Variants in PHF8 observed in about 807,000 individuals in gnomAD.
PHF8 encodes histone lysine demethylase PHF8.
PHF8 carries 9 observed loss-of-function variants against 74.4 expected under a neutral mutation model. The observed-to-expected ratio is 0.12, with a 90% confidence interval of 0.07 to 0.21. PHF8 has a LOEUF of 0.21. PHF8 is among the 10% of genes least tolerant of loss of function. The pLI is 1.00. For synonymous variants in PHF8, 311 were observed against 316.6 expected, an observed-to-expected ratio of 0.98 and a Z score of 0.19; for missense variants, 478 against 816.6, an observed-to-expected ratio of 0.59 and a Z score of 5.05.
At chrX:53,995,670 C>A (rs782547888) in intron 12 of PHF8, 23 bp downstream of exon 12, 1 of 1,084,700 alleles carries the variant, frequency 9.2e-7, no homozygotes, top group Admixed American at 2.2e-5. Context: ...AATGCCTTTT[C>A]TTCCCTGCCC....
At chrX:53,985,744 C>G (rs782251935) in intron 17 of PHF8, 72 bp downstream of exon 17, 1 of 1,207,211 alleles carries the variant, frequency 8.3e-7, no homozygotes, top group Non-Finnish European at 1.1e-6. Context: ...GATTGGCTGA[C>G]CTGGCACCTT....
At chrX:53,983,747 G>A (rs1298722362) in intron 18 of PHF8, among the ~76,000 whole-genome samples, 1 of 112,109 alleles carries the variant, frequency 8.9e-6, no homozygotes, top group African/African-American at 3.2e-5. Context: ...ATGTCAATCA[G>A]TAGGGAATGA....
At chrX:53,983,338 T>C (rs1436189231) in intron 18 of PHF8, among the ~76,000 whole-genome samples, 1 of 111,325 alleles carries the variant, frequency 9.0e-6, no homozygotes, top group Non-Finnish European at 1.9e-5. Context: ...TATAAGGAAC[T>C]CTTACAAATC....
intron 19 of PHF8, among the ~76,000 whole-genome samples, chrX:53,953,129 C>G (rs1226803297): frequency 9.3e-6 from 1 of 107,004 alleles, no homozygotes; most frequent in Non-Finnish European, 1.9e-5. Context: ...CAAAAATCAC[C>G]CAGGCTTGGT....
chrX:54,038,342 T>C (rs1557114950), intron 2 of PHF8, among the ~76,000 whole-genome samples: 1 of 112,441 alleles, frequency 8.9e-6, no homozygotes, highest in Non-Finnish European at 1.9e-5. Flanking sequence ...AAAAAGAGAA[T>C]GACTGGTGTA....
intron 2 of PHF8, 77 bp downstream of exon 2, chrX:54,042,554 A>T (rs2066577657): frequency 1.1e-6 from 1 of 900,672 alleles, no homozygotes; most frequent in African/African-American, 2.0e-5. Flanking sequence ...ATCTAAAAAC[A>T]GAGCTGAGAA....
At chrX:53,998,899 A>G (rs944621468) in intron 11 of PHF8, among the ~76,000 whole-genome samples, 3 of 112,293 alleles carry the variant, frequency 2.7e-5, no homozygotes, top group African/African-American at 9.7e-5. Flanking sequence ...TCCTGAAGAA[A>G]CAATCAAGAA....
rs2064699532 is a variant in PHF8 at position 53,938,413 on chromosome X, G to A, written c.*745C>T. On this transcript the variant is annotated 3_prime_UTR_variant, in exon 22 of 22. Coordinates refer to ENST00000338154, the MANE Select transcript of PHF8 (RefSeq NM_015107.3). ...CACCCTAAAACAAGTGGCCTCATGT[G>A]TAGCCAGCTAAAAGTAGCTTCCTCC... The A allele has an allele frequency of 2.5e-6, 2 of 812,737 alleles. No individual in the cohort carries two copies. Among genetic ancestry groups the A allele is most frequent in the South Asian group, 6.0e-5 (1 of 16,586 alleles). 67.0% of individuals were successfully genotyped at this position (812,737 alleles called of 1,213,427 possible). A position where few individuals can be genotyped will look rare whatever the true frequency, so the allele number is the denominator to read the frequency against.
At position 53,937,408 on chromosome X, in the gene PHF8, T is replaced by A. The variant is rs1332769162; in HGVS notation, c.*1750A>T. 12 of 112,127 alleles carry A rather than the reference T, an allele frequency of 1.1e-4. No individual in the cohort carries two copies. Among genetic ancestry groups the A allele is most frequent in the African/African-American group, 3.9e-4 (12 of 30,637 alleles). 9.2% of individuals were successfully genotyped at this position (112,127 alleles called of 1,213,427 possible). A position where few individuals can be genotyped will look rare whatever the true frequency, so the allele number is the denominator to read the frequency against. ...GTCACCGCATAGTCAGGCAGTTGCC[T>A]ATACAGGACAGAGGCTTCTCCTGCT... On this transcript the variant is annotated 3_prime_UTR_variant, in exon 22 of 22. Coordinates refer to ENST00000338154, the MANE Select transcript of PHF8 (RefSeq NM_015107.3).
chrX:54,041,595 G>A (rs1248237041), intron 2 of PHF8, among the ~76,000 whole-genome samples: 8 of 110,573 alleles, frequency 7.2e-5, no homozygotes, highest in Non-Finnish European at 1.1e-4. Context: ...TAGTTTTATC[G>A]TACACACTAA....
chrX:53,992,169 T>G (rs1228850708), intron 14 of PHF8, among the ~76,000 whole-genome samples: 2 of 112,410 alleles, frequency 1.8e-5, no homozygotes, highest in African/African-American at 6.5e-5. Flanking sequence ...TTTAAAAATA[T>G]ACCTTGAACA....
intron 19 of PHF8, chrX:53,944,565 A>G (rs1020345308): frequency 5.6e-5 from 13 of 230,316 alleles, no homozygotes; most frequent in Non-Finnish European, 9.5e-5. Flanking sequence ...AAAAAATTAA[A>G]AAGTTAGCCA....
chrX:53,991,438 G>T (rs2065658570), intron 14 of PHF8, among the ~76,000 whole-genome samples: 1 of 109,122 alleles, frequency 9.2e-6, no homozygotes, highest in African/African-American at 3.3e-5. Context: ...GAGGTGGGCG[G>T]ATCACTCGAG....
Position 53,983,763 on chromosome X carries a change from C to T in PHF8, c.2443+1151G>A, listed in dbSNP as rs147227875. ...TGTCAATCAGTAGGGAATGATTAAA[C>T]ATATGATATATTTCTATATTACAGA... On this transcript the variant is annotated intron_variant, in intron 18 of 21. Transcript: ENST00000338154. Among the ~76,000 whole-genome samples the T allele has an allele frequency of 1.2e-4, 13 of 112,155 alleles. No homozygotes were observed. In the East Asian group the frequency reaches 2.8e-3, roughly 24 times the overall value.
At chrX:54,007,185 TC>T (rs2149860370) in intron 8 of PHF8, among the ~76,000 whole-genome samples, 1 of 111,572 alleles carries the variant, frequency 9.0e-6, no homozygotes, top group Admixed American at 9.6e-5. Context: ...TTCAAAAGGT[TC>T]TGGGACAACT....
chrX:54,017,843 G>A, intron 4 of PHF8, 22 bp from the exon 5 acceptor site: 1 of 1,204,815 alleles, frequency 8.3e-7, no homozygotes, highest in Non-Finnish European at 1.1e-6. Context: ...AGGAGAGAAA[G>A]CTTGAGCCTG....
In PHF8 at chrX:54,042,772, G is replaced by GTC. The variant is rs1347554525; in HGVS notation, c.-45_-44insGA. On this transcript the variant is annotated 5_prime_UTR_variant, in exon 2 of 22. Coordinates refer to ENST00000338154, the MANE Select transcript of PHF8 (RefSeq NM_015107.3). The stretch of plus-strand genomic sequence containing the variant: ...CGTTCTGCGGCCGGCCAGGTTCGTC[G>GTC]TGTCAAGAGGGGCGGGAGGCGGCAG... 3.4e-6 allele frequency: 4 copies of GTC among 1,187,440 alleles called. No homozygotes were observed. In the African/African-American group the frequency reaches 7.0e-5, roughly 21 times the overall value.
At chrX:53,970,667 A>C (rs1835605456) in intron 18 of PHF8, among the ~76,000 whole-genome samples, 1 of 111,569 alleles carries the variant, frequency 9.0e-6, no homozygotes, top group Non-Finnish European at 1.9e-5. Context: ...CAAGCAAATG[A>C]AAAACAGAAA....
In PHF8 at chrX:53,960,297, G is replaced by T. The variant is rs370039375; in HGVS notation, c.2539+2547C>A. ...TCACCGTGTTAGCCAGGATGGTCTC[G>T]ATCTCCTGACCTTGTGATCCACCCG... is the stretch of plus-strand genomic sequence containing the variant. On this transcript the variant is annotated intron_variant, in intron 19 of 21. Coordinates refer to ENST00000338154, the MANE Select transcript of PHF8 (RefSeq NM_015107.3). 2.8e-5 allele frequency among the ~76,000 whole-genome samples: 3 copies of T among 106,971 alleles called. No individual in the cohort carries two copies. In the Admixed American group the frequency reaches 3.0e-4, roughly 11 times the overall value. The allele number at this position is 106,971 out of a possible 115,157, so 92.9% of individuals were successfully genotyped here. A position where few individuals can be genotyped will look rare whatever the true frequency, so the allele number is the denominator to read the frequency against.
Sources: gnomAD v4.1 joint callset for allele counts (sites outside exome capture counted in the v4.1 genomes callset) on GRCh38, gnomAD v4.1.1 for gene constraint, MANE v1.5 for transcripts, NCBI Gene and HGNC (gene_info 2026-07-23, HGNC 2026-07-21) for gene names.